The following PTPRT variants were observed in gnomAD, a reference collection of about 807,000 sequenced individuals.
PTPRT encodes the protein receptor-type tyrosine-protein phosphatase T.
A neutral mutation model predicts 176.8 loss-of-function variants in PTPRT; 56 were observed. The observed-to-expected ratio is 0.32, with a 90% CI of 0.26 to 0.40. The LOEUF (loss-of-function observed/expected upper bound fraction) is 0.40. PTPRT is among the 10% of genes least tolerant of loss of function. The pLI is 1.00. For synonymous variants in PTPRT, 783 were observed against 739.0 expected (o/e 1.06, Z -0.96); for missense variants, 1,540 against 1,908.2 (o/e 0.81, Z 3.60).
Position 42,983,886 on chromosome 20 carries a change from C to T in PTPRT, c.89-97954G>A, listed in dbSNP as rs183660944. Among the ~76,000 whole-genome samples the T allele has an allele frequency of 7.9e-5, 12 of 152,322 alleles. No individual in the cohort carries two copies. The East Asian group carries it at 2.1e-3, about 27-fold the overall frequency. ...GGCACGCTGGCCCCATCTCCATCTC[C>T]CATGGGTCCCAATTTGCCCTTCTCC... On this transcript the variant is annotated intron_variant, in intron 1 of 30. Coordinates refer to ENST00000373187, the MANE Select transcript of PTPRT (RefSeq NM_007050.6).
At chr20:42,882,630 T>A (rs2079026424) in intron 2 of PTPRT, among the ~76,000 whole-genome samples, 1 of 152,212 alleles carries the variant, frequency 6.6e-6, no homozygotes, top group Admixed American at 6.5e-5. Context: ...TAAAGACTAT[T>A]TGCCCATCCA....
Position 42,356,524 on chromosome 20 carries a change from G to A in PTPRT, c.1561-4239C>T, listed in dbSNP as rs145273175. Among the ~76,000 whole-genome samples the A allele has an allele frequency of 5.2e-3, 784 of 151,962 alleles. 4 individuals are homozygous for A. Among genetic ancestry groups the A allele is most frequent in the African/African-American group, 0.017 (707 of 41,448 alleles). ...AGCCTGACCAACACAGAGAAACCCC[G>A]TCTCTATTAAAATTACAAAAAATTA... On this transcript the variant is annotated intron_variant, in intron 9 of 30. Transcript: ENST00000373187.
intron 6 of PTPRT, among the ~76,000 whole-genome samples, chr20:42,717,009 G>A (rs1054689374): frequency 2.6e-4 from 39 of 151,008 alleles, no homozygotes; most frequent in Non-Finnish European, 5.3e-4. Flanking sequence ...ACACAGGAAG[G>A]GGAACATCAC....
At position 43,186,350 on chromosome 20, in the gene PTPRT, G is replaced by A. The variant is rs761972439; in HGVS notation, c.88+3296C>T. ...GTTAAATTCCCCTGCGCCCACCCTC[G>A]CCCCCCCATTATAGCTGCCGTGAGA... is the stretch of plus-strand genomic sequence containing the variant. On this transcript the variant is annotated intron_variant, in intron 1 of 30. Coordinates refer to ENST00000373187, the MANE Select transcript of PTPRT (RefSeq NM_007050.6). 4.0e-5 allele frequency among the ~76,000 whole-genome samples: 6 copies of A among 151,498 alleles called. No individual in the cohort carries two copies. The East Asian group carries it at 1.2e-3, about 29-fold the overall frequency.
intron 20 of PTPRT, among the ~76,000 whole-genome samples, chr20:42,119,501 G>C (rs1236528031): frequency 6.6e-6 from 1 of 152,100 alleles, no homozygotes; most frequent in African/African-American, 2.4e-5. Context: ...TTCTGAAAAC[G>C]CACTGCCAAG....
At chr20:42,924,837 T>C (rs1437392476) in intron 1 of PTPRT, among the ~76,000 whole-genome samples, 2 of 152,200 alleles carry the variant, frequency 1.3e-5, no homozygotes, top group Non-Finnish European at 2.9e-5. Flanking sequence ...GTTCCCAAAT[T>C]TCACTGGTCA....
At chr20:42,918,427 ACTG>A (rs1398389843) in intron 1 of PTPRT, among the ~76,000 whole-genome samples, 2 of 152,110 alleles carry the variant, frequency 1.3e-5, no homozygotes, top group Non-Finnish European at 2.9e-5. Flanking sequence ...GATTAGCTGC[ACTG>A]TTTGTCTACA....
chr20:42,458,929 T>A (rs4476407), intron 8 of PTPRT, among the ~76,000 whole-genome samples: 1 of 152,176 alleles, frequency 6.6e-6, no homozygotes. Flanking sequence ...CTCTGTGGAA[T>A]GCATTCTAGT....
intron 9 of PTPRT, among the ~76,000 whole-genome samples, chr20:42,380,473 A>G: frequency 6.6e-6 from 1 of 152,182 alleles, no homozygotes; most frequent in East Asian, 1.9e-4. Flanking sequence ...TTGGTTTCAG[A>G]TAGTTCCCCT....
intron 1 of PTPRT, among the ~76,000 whole-genome samples, chr20:43,133,498 C>T (rs1404017170): frequency 6.6e-6 from 1 of 152,096 alleles, no homozygotes; most frequent in African/African-American, 2.4e-5. Context: ...GTAATCCCAG[C>T]ATTTTGGGAG....
intron 12 of PTPRT, among the ~76,000 whole-genome samples, chr20:42,312,014 G>C (rs1209024023): frequency 2.0e-5 from 3 of 152,124 alleles, no homozygotes; most frequent in Non-Finnish European, 4.4e-5. Context: ...TATAGATCCA[G>C]ATTAGAACTG....
intron 1 of PTPRT, among the ~76,000 whole-genome samples, chr20:42,951,260 T>C (rs751179383): frequency 2.0e-5 from 3 of 151,620 alleles, no homozygotes; most frequent in African/African-American, 7.3e-5. Context: ...GAGGGGTGGA[T>C]GGATGGATGG....
At chr20:43,066,556 G>A (rs949040262) in intron 1 of PTPRT, among the ~76,000 whole-genome samples, 1 of 152,170 alleles carries the variant, frequency 6.6e-6, no homozygotes, top group Non-Finnish European at 1.5e-5. Flanking sequence ...GAGACAAACA[G>A]TTATTTCTGG....
chr20:42,256,361 T>G (rs1037515568), intron 13 of PTPRT, among the ~76,000 whole-genome samples: 3 of 152,092 alleles, frequency 2.0e-5, no homozygotes, highest in Admixed American at 2.0e-4. Context: ...ACTTTACAAA[T>G]TGCATCCCAA....
chr20:43,097,224 A>G (rs892647422), intron 1 of PTPRT, among the ~76,000 whole-genome samples: 1 of 152,202 alleles, frequency 6.6e-6, no homozygotes, highest in Admixed American at 6.5e-5. Flanking sequence ...ACAGGATCAG[A>G]GAAACTCATG....
At chr20:42,067,967 T>A (rs1183709687), downstream of PTPRT, among the ~76,000 whole-genome samples, 1 of 152,068 alleles carries the variant, frequency 6.6e-6, no homozygotes, top group Non-Finnish European at 1.5e-5. Context: ...GAGAAAGAGG[T>A]ATTACAAGGT....
rs543619706 is a variant in PTPRT at position 42,712,715 on chromosome 20, T to A, written c.860-34556A>T. Among the ~76,000 whole-genome samples the A allele has an allele frequency of 1.1e-4, 16 of 152,294 alleles. No individual in the cohort carries two copies. The South Asian group carries it at 1.2e-3, about 12-fold the overall frequency. On this transcript the variant is annotated intron_variant, in intron 6 of 30. Coordinates refer to ENST00000373187, the MANE Select transcript of PTPRT (RefSeq NM_007050.6). ...GCTGATAGGCCTATAAATTGGTACA[T>A]CCCCTATGGAGAATAATTTGGCCAT... is the stretch of plus-strand genomic sequence containing the variant.
chr20:43,180,341 A>ATCTCTCTCTCTCTCTCTCTCTCTCTC (rs71193679), intron 1 of PTPRT, among the ~76,000 whole-genome samples: 18 of 115,068 alleles, frequency 1.6e-4, no homozygotes, highest in African/African-American at 3.8e-4. Flanking sequence ...AAATGAATCA[A>ATCTCTCTCTCTCTCTCTCTCTCTCTC]TCTCTCTCTC....
intron 1 of PTPRT, among the ~76,000 whole-genome samples, chr20:43,102,247 C>T (rs2146326553): frequency 6.7e-6 from 1 of 149,208 alleles, no homozygotes; most frequent in South Asian, 2.1e-4. Flanking sequence ...TTTCACTGGA[C>T]ATCTCTCTCT....
Sources: gnomAD v4.1 joint callset for allele counts (sites outside exome capture counted in the v4.1 genomes callset) on GRCh38, gnomAD v4.1.1 for gene constraint, MANE v1.5 for transcripts, NCBI Gene and HGNC (gene_info 2026-07-23, HGNC 2026-07-21) for gene names.